The following MLLT3 variants were observed in gnomAD, a reference collection of about 807,000 sequenced individuals.
MLLT3 encodes the protein MLLT3 super elongation complex subunit, also known as protein AF-9.
Under a neutral mutation model 53.2 loss-of-function variants are expected in MLLT3, and 4 were observed. The observed-to-expected ratio is 0.08, with a 90% CI of 0.04 to 0.17. MLLT3 has a LOEUF of 0.17. MLLT3 is among the 10% of genes least tolerant of loss of function. The pLI is 1.00. For synonymous variants in MLLT3, 283 were observed against 230.6 expected (o/e 1.23, Z -2.06); for missense variants, 569 against 684.0 (o/e 0.83, Z 1.87).
intron 2 of MLLT3, among the ~76,000 whole-genome samples, chr9:20,476,987 T>C (rs923255815): frequency 2.6e-5 from 4 of 152,164 alleles, no homozygotes; most frequent in African/African-American, 9.7e-5. Context: ...TTTTCCACCA[T>C]GCTATAAACA....
intron 2 of MLLT3, among the ~76,000 whole-genome samples, chr9:20,569,609 G>A (rs1021005004): frequency 6.6e-6 from 1 of 152,048 alleles, no homozygotes; most frequent in East Asian, 1.9e-4. Flanking sequence ...AGCCAATGAC[G>A]ACAACCTATA....
chr9:20,558,422 T>G (rs1454104250), intron 2 of MLLT3, among the ~76,000 whole-genome samples: 1 of 152,160 alleles, frequency 6.6e-6, no homozygotes, highest in Non-Finnish European at 1.5e-5. Flanking sequence ...ATTACAGACG[T>G]GAGCCACTGC....
intron 2 of MLLT3, among the ~76,000 whole-genome samples, chr9:20,546,903 A>C (rs902003018): frequency 6.6e-6 from 1 of 152,222 alleles, no homozygotes; most frequent in African/African-American, 2.4e-5. Flanking sequence ...TTCTGCAAGC[A>C]GTTGCAGTTC....
intron 2 of MLLT3, among the ~76,000 whole-genome samples, chr9:20,484,496 T>C (rs2118910746): frequency 1.3e-5 from 2 of 152,306 alleles, no homozygotes; most frequent in East Asian, 3.9e-4. Context: ...AATATTTATA[T>C]ACTTTTGGCT....
At chr9:20,532,441 C>T (rs1477122271) in intron 2 of MLLT3, 1 of 171,572 alleles carries the variant, frequency 5.8e-6, no homozygotes, top group Non-Finnish European at 1.2e-5. Context: ...CAGTTGCAGT[C>T]ATATAGTATA....
chr9:20,410,352 AGT>A (rs1315010963), intron 5 of MLLT3, among the ~76,000 whole-genome samples: 5 of 152,150 alleles, frequency 3.3e-5, no homozygotes. Context: ...TTTTTTTATT[AGT>A]GTGTTAACGT....
At chr9:20,388,245 G>T (rs1000949497) in intron 5 of MLLT3, among the ~76,000 whole-genome samples, 1 of 152,176 alleles carries the variant, frequency 6.6e-6, no homozygotes, top group African/African-American at 2.4e-5. Context: ...ATCAAAGGTT[G>T]AAGAAATTTG....
intron 2 of MLLT3, among the ~76,000 whole-genome samples, chr9:20,483,410 T>C (rs918592198): frequency 4.0e-5 from 6 of 151,648 alleles, no homozygotes; most frequent in African/African-American, 1.5e-4. Flanking sequence ...GCTATTTTTT[T>C]TTTTAACTTT....
intron 2 of MLLT3, among the ~76,000 whole-genome samples, chr9:20,561,121 A>ACATG (rs1195873123): frequency 6.6e-6 from 1 of 152,152 alleles, no homozygotes. Context: ...TCCAGGTTAC[A>ACATG]CATGCATGCA....
chr9:20,609,921 C>T (rs555441116), intron 2 of MLLT3, among the ~76,000 whole-genome samples: 2 of 152,116 alleles, frequency 1.3e-5, no homozygotes, highest in African/African-American at 4.8e-5. Context: ...TAGGAAGAGT[C>T]AGAAATTAAA....
intron 2 of MLLT3, among the ~76,000 whole-genome samples, chr9:20,521,905 A>G (rs10964593): frequency 0.44 from 67,185 of 151,952 alleles, 15,000 homozygotes; most frequent in East Asian, 0.53. Flanking sequence ...GTCTAAAAGA[A>G]GAGGAAAGAA....
chr9:20,544,861 G>T (rs912213356), intron 2 of MLLT3, among the ~76,000 whole-genome samples: 40 of 152,102 alleles, frequency 2.6e-4, no homozygotes, highest in African/African-American at 9.4e-4. Flanking sequence ...AAGGTTTGAG[G>T]ACAGCTTGAG....
chr9:20,500,907 G>A lies in MLLT3; in HGVS notation c.194-44121C>T, dbSNP rs576707085. Among the ~76,000 whole-genome samples the A allele has an allele frequency of 3.3e-5, 5 of 152,188 alleles. No individual in the cohort carries two copies. In the South Asian group the frequency reaches 8.3e-4, roughly 25 times the overall value. On this transcript the variant is annotated intron_variant, in intron 2 of 10. Coordinates refer to ENST00000380338, the MANE Select transcript of MLLT3 (RefSeq NM_004529.4). The stretch of plus-strand genomic sequence containing the variant: ...TTTAAGTTCAATGCCCAGAAACCTG[G>A]GTTACACTCTAGCCCTCCCAATAAT...
At chr9:20,503,888 G>A (rs1325501137) in intron 2 of MLLT3, among the ~76,000 whole-genome samples, 1 of 152,084 alleles carries the variant, frequency 6.6e-6, no homozygotes, top group Non-Finnish European at 1.5e-5. Context: ...TAAAATGGGT[G>A]AAGGACTTGA....
chr9:20,400,294 G>A (rs1164240623), intron 5 of MLLT3, among the ~76,000 whole-genome samples: 2 of 152,078 alleles, frequency 1.3e-5, no homozygotes, highest in African/African-American at 4.8e-5. Context: ...TGAAAAAAGA[G>A]AGATGAGGGA....
At chr9:20,483,736 A>C (rs1044582713) in intron 2 of MLLT3, among the ~76,000 whole-genome samples, 7 of 113,814 alleles carry the variant, frequency 6.2e-5, no homozygotes, top group Non-Finnish European at 1.2e-4. Flanking sequence ...GAGATGGAGT[A>C]TCGCTCTGTC....
At chr9:20,385,238 T>C (rs2118706812) in intron 5 of MLLT3, among the ~76,000 whole-genome samples, 1 of 152,232 alleles carries the variant, frequency 6.6e-6, no homozygotes, top group Admixed American at 6.5e-5. Flanking sequence ...GTATAATTAG[T>C]CACGTTCTGA....
intron 2 of MLLT3, among the ~76,000 whole-genome samples, chr9:20,518,557 C>G (rs1039742017): frequency 6.6e-6 from 1 of 152,100 alleles, no homozygotes; most frequent in Non-Finnish European, 1.5e-5. Flanking sequence ...AAGTATCTCT[C>G]CCAAGACACT....
At chr9:20,599,964 C>T (rs1005713271) in intron 2 of MLLT3, among the ~76,000 whole-genome samples, 1 of 152,034 alleles carries the variant, frequency 6.6e-6, no homozygotes, top group Non-Finnish European at 1.5e-5. Context: ...TTGTACGATG[C>T]TAACCCAGTG....
Sources: gnomAD v4.1 joint callset for allele counts (sites outside exome capture counted in the v4.1 genomes callset) on GRCh38, gnomAD v4.1.1 for gene constraint, MANE v1.5 for transcripts, NCBI Gene and HGNC (gene_info 2026-07-23, HGNC 2026-07-21) for gene names.